Variants in GTF2F2 observed in about 807,000 individuals in gnomAD.
GTF2F2 encodes the protein ATP-dependent helicase GTF2F2.
In GTF2F2, 23 loss-of-function variants were observed where a neutral mutation model predicts 42.2. The ratio of observed to expected loss-of-function variants is 0.55; its 90% CI spans 0.39 to 0.77. The LOEUF (loss-of-function observed/expected upper bound fraction) is 0.77. GTF2F2 is among the 30% of genes least tolerant of loss of function. The pLI is 0.00. For missense variants in GTF2F2, 261 were observed against 287.2 expected (o/e 0.91, Z 0.66); for synonymous variants, 105 against 100.8 (o/e 1.04, Z -0.25).
At chr13:45,140,312 A>G (rs1869857856) in intron 2 of GTF2F2, among the ~76,000 whole-genome samples, 1 of 152,194 alleles carries the variant, frequency 6.6e-6, no homozygotes, top group African/African-American at 2.4e-5. Context: ...CCACTCAGAT[A>G]TAGGGGGCCA....
chr13:45,262,475 T>C (rs548447257), intron 6 of GTF2F2, among the ~76,000 whole-genome samples: 1 of 152,326 alleles, frequency 6.6e-6, no homozygotes, highest in South Asian at 2.1e-4. Flanking sequence ...TTGCCCAGGT[T>C]GGAGTGCATT....
At chr13:45,218,551 A>G (rs1363081027) in intron 5 of GTF2F2, among the ~76,000 whole-genome samples, 1 of 152,232 alleles carries the variant, frequency 6.6e-6, no homozygotes, top group African/African-American at 2.4e-5. Flanking sequence ...AGTTTGCTGC[A>G]GGCCAATGTG....
At chr13:45,199,737 AG>A (rs1040595070) in intron 4 of GTF2F2, among the ~76,000 whole-genome samples, 10 of 152,236 alleles carry the variant, frequency 6.6e-5, no homozygotes, top group African/African-American at 2.4e-4. Flanking sequence ...CTCAAAATGA[AG>A]GGCATAACTT....
At chr13:45,172,438 C>G (rs1566122616) in intron 4 of GTF2F2, among the ~76,000 whole-genome samples, 1 of 152,156 alleles carries the variant, frequency 6.6e-6, no homozygotes, top group Non-Finnish European at 1.5e-5. Flanking sequence ...TATATATACA[C>G]AAATCCCTTA....
intron 4 of GTF2F2, among the ~76,000 whole-genome samples, chr13:45,157,152 A>G (rs1870801310): frequency 6.6e-6 from 1 of 152,160 alleles, no homozygotes; most frequent in South Asian, 2.1e-4. Flanking sequence ...TTAGCCAGCT[A>G]GGAGTTTTTA....
chr13:45,220,054 A>G (rs987391825), intron 5 of GTF2F2, among the ~76,000 whole-genome samples: 6 of 152,192 alleles, frequency 3.9e-5, no homozygotes, highest in South Asian at 2.1e-4. Context: ...TGATTCATTT[A>G]TGGGTGTGTT....
intron 5 of GTF2F2, among the ~76,000 whole-genome samples, chr13:45,248,438 TTTTG>T (rs777289735): frequency 1.3e-5 from 2 of 152,002 alleles, no homozygotes; most frequent in Admixed American, 6.6e-5. Flanking sequence ...TTTTTTGTTT[TTTTG>T]TTTTTGTTTT....
chr13:45,210,389 A>G (rs1411420160), intron 5 of GTF2F2, among the ~76,000 whole-genome samples: 1 of 152,136 alleles, frequency 6.6e-6, no homozygotes, highest in African/African-American at 2.4e-5. Context: ...CTCCAGATAA[A>G]TGCATGGCTT....
chr13:45,242,144 C>T (rs1218123262), intron 5 of GTF2F2, among the ~76,000 whole-genome samples: 1 of 151,440 alleles, frequency 6.6e-6, no homozygotes, highest in Non-Finnish European at 1.5e-5. Context: ...AGCTAGGCTT[C>T]TTCATATCTT....
chr13:45,204,944 T>G (rs1165448419), intron 4 of GTF2F2, among the ~76,000 whole-genome samples: 5 of 152,140 alleles, frequency 3.3e-5, no homozygotes, highest in Non-Finnish European at 2.9e-5. Flanking sequence ...GTGAGGAGAT[T>G]GGTGGCCAAG....
chr13:45,272,274 G>A (rs1286177500), intron 7 of GTF2F2, among the ~76,000 whole-genome samples: 2 of 151,206 alleles, frequency 1.3e-5, no homozygotes, highest in African/African-American at 4.8e-5. Context: ...TTGACTATAA[G>A]TGGGTGAAAT....
chr13:45,128,969 T>C (rs1266308164), intron 1 of GTF2F2, among the ~76,000 whole-genome samples: 1 of 152,224 alleles, frequency 6.6e-6, no homozygotes, highest in African/African-American at 2.4e-5. Context: ...TTTGCCTTAA[T>C]GTATGATATA....
At chr13:45,142,938 G>A (rs185679575) in intron 2 of GTF2F2, among the ~76,000 whole-genome samples, 4 of 152,272 alleles carry the variant, frequency 2.6e-5, no homozygotes, top group Admixed American at 2.6e-4. Context: ...ATTGATAGAT[G>A]TCTGTTGTTT....
In GTF2F2 at chr13:45,271,015, G is replaced by A. The variant is rs371953241; in HGVS notation, c.630+3639G>A. ...ATTGAAAACTAGTCCCTGATTGGCC[G>A]GGCGCGGTGGCTCATGCCTGTAATC... On this transcript the variant is annotated intron_variant, in intron 7 of 7. Coordinates refer to ENST00000340473, the MANE Select transcript of GTF2F2 (RefSeq NM_004128.3). 1.4e-4 allele frequency among the ~76,000 whole-genome samples: 22 copies of A among 152,232 alleles called. No individual in the cohort carries two copies. The East Asian group carries it at 3.5e-3, about 24-fold the overall frequency.
At chr13:45,191,222 A>ATATATATATATAT (rs1555267758) in intron 4 of GTF2F2, among the ~76,000 whole-genome samples, 93 of 69,902 alleles carry the variant, frequency 1.3e-3, no homozygotes, top group African/African-American at 6.9e-3. Flanking sequence ...ATACAAAAAA[A>ATATATATATATAT]AAATATATAT....
At chr13:45,173,329 C>T (rs1871689842) in intron 4 of GTF2F2, among the ~76,000 whole-genome samples, 1 of 151,094 alleles carries the variant, frequency 6.6e-6, no homozygotes, top group Non-Finnish European at 1.5e-5. Context: ...ATATAGTCCA[C>T]TGGTCCCATT....
chr13:45,235,298 A>G (rs1874909046), intron 5 of GTF2F2, among the ~76,000 whole-genome samples: 1 of 151,952 alleles, frequency 6.6e-6, no homozygotes, highest in Admixed American at 6.6e-5. Context: ...AATATTTGTG[A>G]GACTAAATTC....
At chr13:45,200,226 G>A (rs1014595470) in intron 4 of GTF2F2, among the ~76,000 whole-genome samples, 6 of 152,048 alleles carry the variant, frequency 3.9e-5, no homozygotes, top group Admixed American at 3.9e-4. Context: ...AGGGAGGAGG[G>A]AAAGAATTTT....
At chr13:45,125,898 G>C (rs1868968888) in intron 1 of GTF2F2, among the ~76,000 whole-genome samples, 1 of 151,762 alleles carries the variant, frequency 6.6e-6, no homozygotes, top group Non-Finnish European at 1.5e-5. Context: ...GAAAAGCCAG[G>C]ATGATTCCAC....
Sources: allele counts gnomAD v4.1 joint callset (sites outside exome capture counted in the v4.1 genomes callset), GRCh38; gene constraint gnomAD v4.1.1; transcripts MANE v1.5; gene names NCBI Gene and HGNC (gene_info 2026-07-23, HGNC 2026-07-21).